CDK9: variants seen among roughly 807,000 people sequenced by gnomAD.
CDK9 encodes the protein cyclin-dependent kinase 9.
In CDK9, 34 loss-of-function variants were observed where a neutral mutation model predicts 39.0. The ratio of observed to expected loss-of-function variants is 0.87; its 90% CI spans 0.66 to 1.16. CDK9 has a LOEUF of 1.16. Among genes scored for constraint, CDK9 ranks in the 50% most tolerant of loss-of-function variants. The pLI is 0.00. For synonymous variants in CDK9, 233 were observed against 196.2 expected (o/e 1.19, Z -1.57); for missense variants, 369 against 503.2 (o/e 0.73, Z 2.55).
chr9:127,788,515 G>C (rs1361061832), intron 5 of CDK9, 29 bp from the exon 6 acceptor site: 1 of 1,538,660 alleles, frequency 6.5e-7, no homozygotes, highest in Non-Finnish European at 8.8e-7. Context: ...CGGGCTCAAG[G>C]GGCCCTCCTG....
rs995682343 is a variant in CDK9 at position 127,789,109 on chromosome 9, T to C, written c.754-69T>C. 1 of 1,505,394 alleles carries C rather than the reference T, an allele frequency of 6.6e-7. No homozygotes were observed. Among genetic ancestry groups the C allele is most frequent in the Non-Finnish European group, 8.9e-7 (1 of 1,129,090 alleles). 93.3% of individuals were successfully genotyped at this position (1,505,394 alleles called of 1,614,324 possible). The stretch of plus-strand genomic sequence containing the variant: ...GCAGGTATTTTAGTCCTTTTAGGCC[T>C]TTATGAAGGGATAAGCCACGCACCT... On this transcript the variant is annotated intron_variant, in intron 6 of 6. Transcript: ENST00000373264. This position sits in a 1 kb window ranked among gnomAD's most constrained non-coding sequence, Gnocchi z 5.2.
chr9:127,789,144 A>C lies in CDK9; in HGVS notation c.754-34A>C, dbSNP rs781515520. The C allele has an allele frequency of 1.3e-6, 2 of 1,530,350 alleles. No homozygotes were observed. The highest frequency in any genetic ancestry group is 2.3e-5 in the East Asian group (1 of 43,948). The allele number at this position is 1,530,350 out of a possible 1,614,324, so 94.8% of individuals were successfully genotyped here. ...GATAAGCCACGCACCTCCTGACCGG[A>C]CTCCATATTCTCTCAACGCCCCCTC... On this transcript the variant is annotated intron_variant, in intron 6 of 6. Coordinates refer to ENST00000373264, the MANE Select transcript of CDK9 (RefSeq NM_001261.4). The surrounding 1 kb of genome is among the most constrained non-coding windows in gnomAD (Gnocchi z 5.2).
At position 127,786,068 on chromosome 9, in the gene CDK9, TGGAGTGCGGCGGCGGCGGGACCC is replaced by T; in HGVS notation, c.-76_-54del. 9.6e-7 allele frequency: 1 copy of T among 1,042,948 alleles called. No individual in the cohort carries two copies. Among genetic ancestry groups the T allele is most frequent in the Non-Finnish European group, 1.4e-6 (1 of 725,438 alleles). The allele number at this position is 1,042,948 out of a possible 1,614,324, so 64.6% of individuals were successfully genotyped here. ...GAAGTGGCGCGGCCGCGGAGGGGCC[TGGAGTGCGGCGGCGGCGGGACCC>T]GGAGCAGGAGCGGCGGCAGCAGCGA... On this transcript the variant is annotated 5_prime_UTR_variant, in exon 1 of 7. Coordinates refer to ENST00000373264, the MANE Select transcript of CDK9 (RefSeq NM_001261.4).
At chr9:127,787,757 T>C in intron 3 of CDK9, 149 bp downstream of exon 3, 1 of 849,478 alleles carries the variant, frequency 1.2e-6, no homozygotes, top group Non-Finnish European at 1.9e-6. Flanking sequence ...TCGTAGCTGG[T>C]GCTTCCTCGG....
chr9:127,788,065 G>A lies in CDK9; in HGVS notation c.384G>A (p.Arg128=), dbSNP rs199885166. 5 of 1,614,212 alleles carry A rather than the reference G, an allele frequency of 3.1e-6. No individual in the cohort carries two copies. In the African/African-American group the frequency reaches 5.3e-5, roughly 17 times the overall value. Residue 128 remains arginine, a synonymous_variant, in exon 4 of 7, where the codon AGG becomes AGA. Transcript: ENST00000373264. Reference sequence around the variant, plus strand: ...AGTTCACGCTGTCTGAGATCAAGAGGGTGATGCAGATGCTGCTTAACGGCC... The same window carrying A: ...AGTTCACGCTGTCTGAGATCAAGAGAGTGATGCAGATGCTGCTTAACGGCC... The part of the protein sequence containing the change: ...LVKFTLSEIK[R]VMQMLLNGLY...
chr9:127,786,730 C>T lies in CDK9; in HGVS notation c.122C>T (p.Thr41Ile). 1 of 1,614,054 alleles carries T rather than the reference C, an allele frequency of 6.2e-7. No homozygotes were observed. The highest frequency in any genetic ancestry group is 8.5e-7 in the Non-Finnish European group (1 of 1,179,990). Residue 41 changes from threonine (T) to isoleucine (I), a missense_variant, in exon 2 of 7, where the codon ACC becomes ATC. Transcript: ENST00000373264. The stretch of plus-strand genomic sequence containing the variant: ...GTGTTCAAGGCCAGGCACCGCAAGA[C>T]CGGCCAGAAGGTGGCTCTGAAGAAG... The part of the protein sequence containing the change: ...GEVFKARHRK[T>I]GQKVALKKVL...
rs1427479508 is a variant in CDK9 at position 127,786,215 on chromosome 9, G to A, written c.67G>A (p.Ala23Thr). The change falls in exon 1 of 7, where the codon GCC becomes ACC. Residue 23 changes from alanine to threonine, a missense_variant. Ala to Thr is a moderately conservative substitution (Grantham distance 58). Coordinates refer to ENST00000373264, the MANE Select transcript of CDK9 (RefSeq NM_001261.4). Reference sequence around the variant, plus strand: ...TGAAGTTTCCAAATACGAGAAGCTCGCCAAGATCGGCCAAGGCACCTTCGG... The same window carrying A: ...TGAAGTTTCCAAATACGAGAAGCTCACCAAGATCGGCCAAGGCACCTTCGG... ...CDEVSKYEKLAKIGQGTFGEV... is the reference protein window; with the variant it reads ...CDEVSKYEKLTKIGQGTFGEV... 6.2e-7 allele frequency: 1 copy of A among 1,608,674 alleles called. No homozygotes were observed.
In CDK9 at chr9:127,786,076, G is replaced by GGCGGCGGCGGGACCCGGAGCAGGA. The variant is rs749950582; in HGVS notation, c.-64_-41dup. The GGCGGCGGCGGGACCCGGAGCAGGA allele has an allele frequency of 4.7e-6, 5 of 1,070,358 alleles. No individual in the cohort carries two copies. The highest frequency in any genetic ancestry group is 4.0e-6 in the Non-Finnish European group (3 of 751,972). The allele number at this position is 1,070,358 out of a possible 1,614,324, so 66.3% of individuals were successfully genotyped here. ...GCGGCCGCGGAGGGGCCTGGAGTGCGGCGGCGGCGGGACCCGGAGCAGGAG... is the reference window on the plus strand; with the variant it reads ...GCGGCCGCGGAGGGGCCTGGAGTGCGGCGGCGGCGGGACCCGGAGCAGGAGCGGCGGCGGGACCCGGAGCAGGAG... On this transcript the variant is annotated 5_prime_UTR_variant, in exon 1 of 7. Transcript: ENST00000373264.
chr9:127,789,481 TCCA>T lies in CDK9; in HGVS notation c.1061_1063del (p.Thr354del), dbSNP rs954306428. On this transcript the variant is annotated inframe_deletion, in exon 7 of 7. Transcript: ENST00000373264. The surrounding 1 kb of genome is among the most constrained non-coding windows in gnomAD (Gnocchi z 5.2). ...GAAGGGCAGCCAGATCACCCAGCAG[TCCA>T]CCAACCAGAGTCGCAATCCCGCCAC... 6.2e-6 allele frequency: 10 copies of T among 1,613,982 alleles called. No homozygotes were observed. The highest frequency in any genetic ancestry group is 8.5e-6 in the Non-Finnish European group (10 of 1,180,038).
At chr9:127,786,546 A>G (rs961901776) in intron 1 of CDK9, among the ~76,000 whole-genome samples, 155 bp from the exon 2 acceptor site, 1 of 152,166 alleles carries the variant, frequency 6.6e-6, no homozygotes, top group Non-Finnish European at 1.5e-5. Flanking sequence ...CGAACGAGAC[A>G]GGCTGCCGGG....
rs944777128 is a variant in CDK9, at chr9:127,787,718, T to C, written c.265+110T>C. ...CCTCTTCTTAACTCAGATGGACCCATGGTGACTGCTTTTTCTGGTCCTCTT... is the reference window on the plus strand; with the variant it reads ...CCTCTTCTTAACTCAGATGGACCCACGGTGACTGCTTTTTCTGGTCCTCTT... On this transcript the variant is annotated intron_variant, in intron 3 of 6. Coordinates refer to ENST00000373264, the MANE Select transcript of CDK9 (RefSeq NM_001261.4). The C allele has an allele frequency of 4.0e-5, 36 of 908,170 alleles. No homozygotes were observed. The African/African-American group carries it at 5.1e-4, about 13-fold the overall frequency. 56.3% of individuals were successfully genotyped at this position (908,170 alleles called of 1,614,324 possible). A position where few individuals can be genotyped will look rare whatever the true frequency, so the allele number is the denominator to read the frequency against.
In CDK9 at chr9:127,786,072, G is replaced by C; in HGVS notation, c.-77G>C. ...TGGCGCGGCCGCGGAGGGGCCTGGA[G>C]TGCGGCGGCGGCGGGACCCGGAGCA... On this transcript the variant is annotated 5_prime_UTR_variant, in exon 1 of 7. Transcript: ENST00000373264. 9.0e-7 allele frequency: 1 copy of C among 1,105,096 alleles called. No individual in the cohort carries two copies. The highest frequency in any genetic ancestry group is 1.3e-6 in the Non-Finnish European group (1 of 774,244). The allele number at this position is 1,105,096 out of a possible 1,614,324, so 68.5% of individuals were successfully genotyped here.
In CDK9 at chr9:127,789,552, G is replaced by A. The variant is rs377000414; in HGVS notation, c.*9G>A. Reference sequence around the variant, plus strand: ...TTGAGCGCGTCTTCTGAGGGCCGGCGCTTGCCACTAGGGCTCTTGTGTTTT... The same window carrying A: ...TTGAGCGCGTCTTCTGAGGGCCGGCACTTGCCACTAGGGCTCTTGTGTTTT... On this transcript the variant is annotated 3_prime_UTR_variant, in exon 7 of 7. Coordinates refer to ENST00000373264, the MANE Select transcript of CDK9 (RefSeq NM_001261.4). The surrounding 1 kb of genome is among the most constrained non-coding windows in gnomAD (Gnocchi z 5.2). 5.1e-5 allele frequency: 82 copies of A among 1,611,482 alleles called. No individual in the cohort carries two copies. The Middle Eastern group carries it at 1.6e-3, about 32-fold the overall frequency.
chr9:127,787,876 A>G, intron 3 of CDK9, 71 bp from the exon 4 acceptor site: 1 of 1,537,606 alleles, frequency 6.5e-7, no homozygotes, highest in Non-Finnish European at 9.0e-7. Context: ...GCAGGAAGAA[A>G]GAAGCTGGTT....
intron 1 of CDK9, 61 bp from the exon 2 acceptor site, chr9:127,786,640 G>A: frequency 7.0e-7 from 1 of 1,434,032 alleles, no homozygotes; most frequent in South Asian, 1.2e-5. Flanking sequence ...CTGTAGTGGG[G>A]GAGGGGCGGG....
chr9:127,786,831 C>G (rs1829330683), intron 2 of CDK9, 49 bp downstream of exon 2: 1 of 1,558,682 alleles, frequency 6.4e-7, no homozygotes, highest in Non-Finnish European at 8.8e-7. Flanking sequence ...GCCCGGGACC[C>G]CGGGTCGGTT....
chr9:127,788,444 C>G, intron 5 of CDK9, 59 bp downstream of exon 5: 2 of 1,558,020 alleles, frequency 1.3e-6, no homozygotes, highest in Non-Finnish European at 1.7e-6. Context: ...TGGCCCCTTC[C>G]CCCCAACTGC....
chr9:127,787,724 C>T, intron 3 of CDK9, 116 bp downstream of exon 3: 2 of 881,510 alleles, frequency 2.3e-6, no homozygotes, highest in East Asian at 5.0e-5. Context: ...CCCATGGTGA[C>T]TGCTTTTTCT....
intron 1 of CDK9, 25 bp downstream of exon 1, chr9:127,786,265 G>A (rs1364120724): frequency 6.3e-6 from 10 of 1,586,192 alleles, no homozygotes; most frequent in Non-Finnish European, 8.6e-6. Flanking sequence ...CTCGGGGCCG[G>A]GAGCCCTGGG....
Sources: gnomAD v4.1 joint callset for allele counts (sites outside exome capture counted in the v4.1 genomes callset) on GRCh38, gnomAD v4.1.1 for gene constraint, Gnocchi (gnomAD v3.1) non-coding constraint, MANE v1.5 for transcripts, NCBI Gene and HGNC (gene_info 2026-07-23, HGNC 2026-07-21) for gene names.